PDE7B: variants seen among roughly 807,000 people sequenced by gnomAD.
The protein encoded by PDE7B is 3',5'-cyclic-AMP phosphodiesterase 7B.
A neutral mutation model predicts 56.2 loss-of-function variants in PDE7B; 29 were observed. The ratio of observed to expected loss-of-function variants is 0.52; its 90% confidence interval spans 0.38 to 0.70. The LOEUF is 0.70. PDE7B is among the 30% of genes least tolerant of loss of function. The probability of loss-of-function intolerance (pLI) is 0.00; values close to 1 mark genes in which losing one functional copy is unlikely to be tolerated. For missense variants in PDE7B, 490 were observed against 565.0 expected (o/e 0.87, Z 1.35); for synonymous variants, 197 against 196.9 (o/e 1.00, Z 0.00).
At chr6:135,961,534 T>C (rs2128201510) in intron 2 of PDE7B, among the ~76,000 whole-genome samples, 1 of 152,280 alleles carries the variant, frequency 6.6e-6, no homozygotes, top group East Asian at 1.9e-4. Context: ...TCATCAGGTG[T>C]TACCATCAGG....
intron 2 of PDE7B, among the ~76,000 whole-genome samples, chr6:136,091,476 C>G (rs543308989): frequency 6.6e-6 from 1 of 152,186 alleles, no homozygotes; most frequent in Admixed American, 6.5e-5. Flanking sequence ...GAAATATAAA[C>G]ATTTGTTTTA....
intron 6 of PDE7B, 94 bp from the exon 7 acceptor site, chr6:136,153,981 A>C: frequency 1.3e-6 from 1 of 762,242 alleles, no homozygotes; most frequent in Non-Finnish European, 2.3e-6. Flanking sequence ...GGAGGCACTG[A>C]TATTTTTAAG....
chr6:136,158,091 C>T (rs1410972257), intron 8 of PDE7B, among the ~76,000 whole-genome samples: 5 of 152,158 alleles, frequency 3.3e-5, no homozygotes, highest in African/African-American at 4.8e-5. Context: ...GAAAAAATCA[C>T]GTTACATAAT....
chr6:135,912,520 C>T (rs1299620586), intron 1 of PDE7B, among the ~76,000 whole-genome samples: 2 of 151,986 alleles, frequency 1.3e-5, no homozygotes, highest in African/African-American at 4.8e-5. Context: ...ACAAATCCTC[C>T]ATGGATACCA....
chr6:135,852,114 A>C (rs368741234), intron 1 of PDE7B, 95 bp downstream of exon 1: 1 of 855,010 alleles, frequency 1.2e-6, no homozygotes. Context: ...GAACCTGTAC[A>C]TATATATGTT....
At chr6:135,973,472 T>C (rs1443616839) in intron 2 of PDE7B, among the ~76,000 whole-genome samples, 1 of 151,074 alleles carries the variant, frequency 6.6e-6, no homozygotes, top group Non-Finnish European at 1.5e-5. Context: ...TGACTTCTGT[T>C]CTTTTAAATA....
intron 1 of PDE7B, among the ~76,000 whole-genome samples, chr6:135,940,691 G>GT (rs1295026699): frequency 6.6e-6 from 1 of 152,208 alleles, no homozygotes; most frequent in African/African-American, 2.4e-5. Flanking sequence ...TGACCCAGAT[G>GT]TTTGGAAATG....
intron 1 of PDE7B, among the ~76,000 whole-genome samples, chr6:135,902,719 G>T (rs772973432): frequency 7.2e-5 from 11 of 152,124 alleles, no homozygotes; most frequent in Non-Finnish European, 1.6e-4. Context: ...GTATTTTAAA[G>T]GACTTACCTG....
In PDE7B at chr6:136,038,150, C is replaced by T. The variant is rs78536725; in HGVS notation, c.83-70581C>T. On this transcript the variant is annotated intron_variant, in intron 2 of 12. Transcript: ENST00000308191. ...AGCTGGAGAGGATCTTACGGGGGTTCGCTTTTCCCTGCCTGGGAAGAATTT... is the reference window on the plus strand; with the variant it reads ...AGCTGGAGAGGATCTTACGGGGGTTTGCTTTTCCCTGCCTGGGAAGAATTT... The T allele has an allele frequency of 2.6e-3, 3,332 of 1,299,126 alleles. 67 individuals carry two copies. In the African/African-American group the frequency reaches 0.042, roughly 17 times the overall value. 80.5% of individuals were successfully genotyped at this position (1,299,126 alleles called of 1,614,324 possible).
chr6:135,914,847 C>A (rs888794364), intron 1 of PDE7B, among the ~76,000 whole-genome samples: 2 of 150,140 alleles, frequency 1.3e-5, no homozygotes, highest in African/African-American at 4.9e-5. Flanking sequence ...GTAATCCCAG[C>A]ACTTTGGGAG....
intron 2 of PDE7B, among the ~76,000 whole-genome samples, chr6:136,099,724 G>A (rs1157506795): frequency 6.6e-6 from 1 of 152,050 alleles, no homozygotes; most frequent in East Asian, 1.9e-4. Flanking sequence ...TCTGTAGGTT[G>A]CCTGTTCACC....
intron 2 of PDE7B, among the ~76,000 whole-genome samples, chr6:135,973,438 G>C (rs1449296665): frequency 6.6e-6 from 1 of 151,014 alleles, no homozygotes; most frequent in Non-Finnish European, 1.5e-5. Context: ...TGAACATAGA[G>C]GTGCTAATAT....
chr6:135,904,165 A>G (rs1262266883), intron 1 of PDE7B, among the ~76,000 whole-genome samples: 4 of 152,222 alleles, frequency 2.6e-5, no homozygotes, highest in African/African-American at 7.2e-5. Context: ...CAAGGCTTTT[A>G]AGGCCAGAAT....
intron 2 of PDE7B, among the ~76,000 whole-genome samples, chr6:136,099,355 T>G (rs1344189033): frequency 6.6e-6 from 1 of 152,200 alleles, no homozygotes; most frequent in African/African-American, 2.4e-5. Flanking sequence ...CGCCACACTG[T>G]CCTCCACAAT....
chr6:135,911,599 T>C (rs1158376998), intron 1 of PDE7B, among the ~76,000 whole-genome samples: 1 of 152,192 alleles, frequency 6.6e-6, no homozygotes, highest in East Asian at 1.9e-4. Flanking sequence ...GAATATGATT[T>C]TTCACCATGC....
chr6:136,166,730 A>G (rs1422236478), intron 8 of PDE7B, among the ~76,000 whole-genome samples: 1 of 152,264 alleles, frequency 6.6e-6, no homozygotes, highest in East Asian at 1.9e-4. Context: ...GGGGATTACA[A>G]TTGAACATGA....
intron 3 of PDE7B, among the ~76,000 whole-genome samples, chr6:136,126,906 A>G (rs1034146563): frequency 6.6e-6 from 1 of 152,196 alleles, no homozygotes; most frequent in Non-Finnish European, 1.5e-5. Flanking sequence ...TAAAGAAATT[A>G]CTCATGTAAC....
intron 1 of PDE7B, among the ~76,000 whole-genome samples, chr6:135,929,758 G>C (rs541260324): frequency 2.0e-5 from 3 of 152,174 alleles, no homozygotes; most frequent in Admixed American, 2.0e-4. Context: ...CTACGAGGGC[G>C]TTTAGAAGAG....
chr6:136,146,457 A>T (rs1205245009), intron 3 of PDE7B, among the ~76,000 whole-genome samples: 2 of 152,222 alleles, frequency 1.3e-5, no homozygotes, highest in African/African-American at 4.8e-5. Context: ...TTAGATTTTT[A>T]TGGCAACCAG....
Sources: gnomAD v4.1 joint callset for allele counts (sites outside exome capture counted in the v4.1 genomes callset) on GRCh38, gnomAD v4.1.1 for gene constraint, MANE v1.5 for transcripts, NCBI Gene and HGNC (gene_info 2026-07-23, HGNC 2026-07-21) for gene names.